CCDC85A: variants seen among roughly 807,000 people sequenced by gnomAD.
CCDC85A encodes coiled-coil domain containing 85A, also known as coiled-coil domain-containing protein 85A.
CCDC85A carries 38 observed loss-of-function variants against 50.2 expected under a neutral mutation model. That is an observed-to-expected ratio of 0.76 (90% CI 0.58 to 0.99). CCDC85A has a LOEUF of 0.99. Among genes scored for constraint, CCDC85A ranks in the 50% least tolerant of loss-of-function variants. The pLI, the probability that CCDC85A is intolerant of heterozygous loss-of-function variation, is 0.00. For missense variants in CCDC85A, 820 were observed against 742.0 expected (o/e 1.11, Z -1.22); for synonymous variants, 366 against 301.4 (o/e 1.21, Z -2.22).
intron 2 of CCDC85A, among the ~76,000 whole-genome samples, chr2:56,228,272 A>G (rs1056086262): frequency 6.6e-6 from 1 of 152,060 alleles, no homozygotes; most frequent in Non-Finnish European, 1.5e-5. Context: ...TGGCACATGT[A>G]TACATATGTA....
chr2:56,269,335 GT>G (rs1294837356), intron 2 of CCDC85A, among the ~76,000 whole-genome samples: 15 of 122 alleles, frequency 0.12, no homozygotes, highest in South Asian at 0.36. Flanking sequence ...CTTGGCAAGG[GT>G]GTGTGTGTGT....
At chr2:56,357,267 C>T (rs1195792634) in intron 3 of CCDC85A, among the ~76,000 whole-genome samples, 3 of 151,912 alleles carry the variant, frequency 2.0e-5, no homozygotes, top group Admixed American at 2.0e-4. Context: ...GGACAGCTGC[C>T]CCTCAAATGT....
intron 2 of CCDC85A, among the ~76,000 whole-genome samples, chr2:56,330,715 A>T (rs183706179): frequency 3.2e-4 from 48 of 152,282 alleles, no homozygotes; most frequent in South Asian, 1.7e-3. Flanking sequence ...ATGTGACAAA[A>T]TGCCATTTCC....
rs1181309874 is a variant in CCDC85A, at chr2:56,193,454, T to C, written c.1240+14T>C. On this transcript the variant is annotated intron_variant, in intron 2 of 5. Transcript: ENST00000407595. ...GTGGCATGAACGGTGGGTCAGTATG[T>C]GCTGGGGTGCTGCTTGGGCTGGGGA... 6.4e-7 allele frequency: 1 copy of C among 1,573,760 alleles called. No homozygotes were observed. Among genetic ancestry groups the C allele is most frequent in the Admixed American group, 1.8e-5 (1 of 56,328 alleles).
rs74945481 is a variant in CCDC85A, at chr2:56,288,772, C to G, written c.1241-54107C>G. Among the ~76,000 whole-genome samples, 1,451 of 151,648 alleles carry G rather than the reference C, an allele frequency of 9.6e-3. 32 individuals carry two copies. The highest frequency in any genetic ancestry group is 0.032 in the African/African-American group (1,331 of 41,416). The stretch of plus-strand genomic sequence containing the variant: ...ATCTGTTTGTGCCTAAATTATACAT[C>G]CTAAGACCAGAGCACCAAAATTAAC... On this transcript the variant is annotated intron_variant, in intron 2 of 5. Transcript: ENST00000407595.
chr2:56,322,125 C>G (rs62164360), intron 2 of CCDC85A, among the ~76,000 whole-genome samples: 15,291 of 152,160 alleles, frequency 0.1, 988 homozygotes, highest in East Asian at 0.32. Flanking sequence ...TTCCTTACAC[C>G]TTATACAAAA....
chr2:56,371,750 A>G lies in CCDC85A; in HGVS notation c.1318-594A>G, dbSNP rs187675740. ...AAAAATTTAGTTAACTTATGAATAC[A>G]AAGTTTGATGATTATGTAGATTTTT... On this transcript the variant is annotated intron_variant, in intron 3 of 5. Coordinates refer to ENST00000407595, the MANE Select transcript of CCDC85A (RefSeq NM_001080433.2). Among the ~76,000 whole-genome samples the G allele has an allele frequency of 2.5e-4, 38 of 152,226 alleles. No individual in the cohort carries two copies. In the East Asian group the frequency reaches 7.1e-3, roughly 29 times the overall value.
intron 1 of CCDC85A, 155 bp downstream of exon 1, chr2:56,185,055 T>A (rs2103798915): frequency 1.1e-6 from 1 of 948,344 alleles, no homozygotes; most frequent in Non-Finnish European, 1.5e-6. Flanking sequence ...AGCCCCTGTG[T>A]AACTTTTCCA....
At chr2:56,226,894 T>C (rs1668565533) in intron 2 of CCDC85A, among the ~76,000 whole-genome samples, 1 of 152,088 alleles carries the variant, frequency 6.6e-6, no homozygotes, top group African/African-American at 2.4e-5. Flanking sequence ...TGTAACTGAG[T>C]ATTGGTGGCT....
At chr2:56,235,451 T>C (rs1031947938) in intron 2 of CCDC85A, 2 of 152,056 alleles carry the variant, frequency 1.3e-5, no homozygotes, top group Non-Finnish European at 2.9e-5. Flanking sequence ...TGATACTGGT[T>C]TTTGAGCATG....
At chr2:56,220,267 C>T (rs1228525646) in intron 2 of CCDC85A, among the ~76,000 whole-genome samples, 2 of 151,976 alleles carry the variant, frequency 1.3e-5, no homozygotes, top group African/African-American at 4.8e-5. Flanking sequence ...TCCTTCACTC[C>T]AGTGCACTAT....
At chr2:56,286,768 T>C (rs1283737952) in intron 2 of CCDC85A, among the ~76,000 whole-genome samples, 1 of 152,212 alleles carries the variant, frequency 6.6e-6, no homozygotes, top group Non-Finnish European at 1.5e-5. Flanking sequence ...GTATGACTTG[T>C]TCATTTTTTA....
intron 1 of CCDC85A, among the ~76,000 whole-genome samples, chr2:56,188,892 A>G (rs61234059): frequency 1.3e-5 from 2 of 152,230 alleles, no homozygotes; most frequent in Admixed American, 6.5e-5. Flanking sequence ...TGCATATTCA[A>G]AGAAAGACTT....
chr2:56,328,796 G>T (rs977593125), intron 2 of CCDC85A, among the ~76,000 whole-genome samples: 2 of 152,060 alleles, frequency 1.3e-5, no homozygotes, highest in Non-Finnish European at 2.9e-5. Flanking sequence ...GAATCTGGCT[G>T]CTTTCTGCGC....
intron 5 of CCDC85A, 104 bp from the exon 6 acceptor site, chr2:56,384,162 T>A: frequency 1.0e-6 from 1 of 959,500 alleles, no homozygotes. Flanking sequence ...TTGTCTCTTG[T>A]CTTTACTTCA....
chr2:56,265,883 G>A (rs757850409), intron 2 of CCDC85A, among the ~76,000 whole-genome samples: 1 of 152,100 alleles, frequency 6.6e-6, no homozygotes, highest in African/African-American at 2.4e-5. Context: ...CTAAAATATG[G>A]AATCAATCTA....
chr2:56,299,621 G>C (rs1042362638), intron 2 of CCDC85A, among the ~76,000 whole-genome samples: 9 of 152,140 alleles, frequency 5.9e-5, no homozygotes, highest in Non-Finnish European at 1.3e-4. Flanking sequence ...GTTACAGTCT[G>C]TCTGACTCAG....
intron 2 of CCDC85A, among the ~76,000 whole-genome samples, chr2:56,207,844 A>C (rs900118057): frequency 6.6e-5 from 10 of 152,184 alleles, no homozygotes; most frequent in Non-Finnish European, 1.2e-4. Flanking sequence ...CACTATAAGA[A>C]ACAATAAACT....
At chr2:56,364,830 G>A (rs922285579) in intron 3 of CCDC85A, among the ~76,000 whole-genome samples, 1 of 151,862 alleles carries the variant, frequency 6.6e-6, no homozygotes, top group Non-Finnish European at 1.5e-5. Context: ...CTATTTTCCA[G>A]TGTAGGCAAT....
Sources: allele counts gnomAD v4.1 joint callset (sites outside exome capture counted in the v4.1 genomes callset), GRCh38; gene constraint gnomAD v4.1.1; transcripts MANE v1.5; gene names NCBI Gene and HGNC (gene_info 2026-07-23, HGNC 2026-07-21).